The following KCNH5 variants were observed in gnomAD, a reference collection of about 807,000 sequenced individuals.
KCNH5 encodes the protein potassium voltage-gated channel subfamily H member 5, also known as voltage-gated delayed rectifier potassium channel KCNH5.
KCNH5 carries 46 observed loss-of-function variants against 96.1 expected under a neutral mutation model. The ratio of observed to expected loss-of-function variants is 0.48; its 90% CI spans 0.38 to 0.61. The LOEUF (loss-of-function observed/expected upper bound fraction) is 0.61, where lower values mean the gene tolerates loss of function less well. Ranked by LOEUF, KCNH5 falls within the 20% of genes least tolerant of loss-of-function variation. The probability of loss-of-function intolerance (pLI) is 0.00; values close to 1 mark genes in which losing one functional copy is unlikely to be tolerated. For synonymous variants in KCNH5, 439 were observed against 449.8 expected (o/e 0.98, Z 0.30); for missense variants, 907 against 1,225.8 (o/e 0.74, Z 3.88).
intron 7 of KCNH5, among the ~76,000 whole-genome samples, chr14:62,900,308 A>G (rs1161311163): frequency 6.6e-6 from 1 of 152,226 alleles, no homozygotes; most frequent in African/African-American, 2.4e-5. Context: ...GAAATTCAGA[A>G]GAGTTGGAAT....
intron 1 of KCNH5, among the ~76,000 whole-genome samples, chr14:63,033,592 C>G (rs562614484): frequency 6.6e-6 from 1 of 152,148 alleles, no homozygotes; most frequent in Non-Finnish European, 1.5e-5. Flanking sequence ...GCCTGCCTCC[C>G]CTACCAGACT....
At position 62,911,918 on chromosome 14, in the gene KCNH5, A is replaced by G. The variant is rs543786033; in HGVS notation, c.1369+38215T>C. Among the ~76,000 whole-genome samples, 78 of 151,608 alleles carry G rather than the reference A, an allele frequency of 5.1e-4. 2 individuals carry two copies. The highest frequency in any genetic ancestry group is 1.7e-3 in the African/African-American group (72 of 41,338). On this transcript the variant is annotated intron_variant, in intron 7 of 10. Transcript: ENST00000322893. ...CTGGGCGTGGTGGCAGGCACCTGTAATTGCAGCTACTCGAGAGGCTGAGGC... is the reference window on the plus strand; with the variant it reads ...CTGGGCGTGGTGGCAGGCACCTGTAGTTGCAGCTACTCGAGAGGCTGAGGC...
chr14:62,792,589 T>A (rs1886457242), intron 9 of KCNH5, among the ~76,000 whole-genome samples: 1 of 151,692 alleles, frequency 6.6e-6, no homozygotes, highest in African/African-American at 2.4e-5. Context: ...ATCAATTACA[T>A]CTTGAAACTC....
chr14:62,945,647 A>C (rs1279508915), intron 7 of KCNH5, among the ~76,000 whole-genome samples: 1 of 152,124 alleles, frequency 6.6e-6, no homozygotes, highest in Non-Finnish European at 1.5e-5. Flanking sequence ...AAGGTTAAAG[A>C]GTAGAGACTA....
chr14:62,866,068 TA>T (rs1888129103), intron 7 of KCNH5, among the ~76,000 whole-genome samples: 1 of 152,174 alleles, frequency 6.6e-6, no homozygotes, highest in South Asian at 2.1e-4. Context: ...AGAAGCAGAA[TA>T]TATTACTCTA....
At chr14:62,912,480 C>T (rs1210187766) in intron 7 of KCNH5, among the ~76,000 whole-genome samples, 1 of 151,740 alleles carries the variant, frequency 6.6e-6, no homozygotes, top group Non-Finnish European at 1.5e-5. Flanking sequence ...AATCTTGGCT[C>T]ACTGCAGCCT....
In KCNH5 at chr14:62,700,768, C is replaced by T. The variant is rs1566631461; in HGVS notation, c.*6740G>A. The T allele has an allele frequency of 6.6e-6, 1 of 152,164 alleles. No individual in the cohort carries two copies. Among genetic ancestry groups the T allele is most frequent in the Non-Finnish European group, 1.5e-5 (1 of 68,016 alleles). The allele number at this position is 152,164 out of a possible 1,614,324, so 9.4% of individuals were successfully genotyped here. On this transcript the variant is annotated 3_prime_UTR_variant, in exon 11 of 11. Transcript: ENST00000322893. ...TTGCAGTCTTGGCTTCATCAGGAAT[C>T]TTTCCCGCTATAATTTGGTTGAAAA...
chr14:62,818,300 C>T lies in KCNH5; in HGVS notation c.1570-15719G>A, dbSNP rs74720266. The stretch of plus-strand genomic sequence containing the variant: ...TGTTAATTAGCTTGCTTTTGGTAGT[C>T]ATTCACATATATATCAAATTCTCAC... On this transcript the variant is annotated intron_variant, in intron 8 of 10. Coordinates refer to ENST00000322893, the MANE Select transcript of KCNH5 (RefSeq NM_139318.5). Among the ~76,000 whole-genome samples the T allele has an allele frequency of 1.4e-3, 216 of 152,086 alleles. 1 individual carries two copies. The highest frequency in any genetic ancestry group is 2.5e-3 in the Non-Finnish European group (170 of 67,986).
At chr14:62,755,865 T>C (rs1885611616) in intron 10 of KCNH5, among the ~76,000 whole-genome samples, 1 of 152,142 alleles carries the variant, frequency 6.6e-6, no homozygotes, top group African/African-American at 2.4e-5. Flanking sequence ...AATTACATGA[T>C]CATTTCAATT....
chr14:62,810,036 G>A (rs761445391), intron 8 of KCNH5, among the ~76,000 whole-genome samples: 4 of 152,094 alleles, frequency 2.6e-5, no homozygotes, highest in Non-Finnish European at 5.9e-5. Context: ...TTCTAATTTA[G>A]TTTACCTGGA....
At chr14:63,012,265 C>T (rs28591331) in intron 2 of KCNH5, among the ~76,000 whole-genome samples, 33,306 of 151,996 alleles carry the variant, frequency 0.22, 4,455 homozygotes, top group East Asian at 0.51. Context: ...AGTGCAAAGG[C>T]GTGGAAAATG....
intron 6 of KCNH5, 137 bp downstream of exon 6, chr14:62,980,735 T>A (rs895464510): frequency 3.6e-6 from 3 of 828,262 alleles, no homozygotes; most frequent in African/African-American, 1.7e-5. Flanking sequence ...TCAAATATAA[T>A]AACTTTTGGC....
At chr14:62,921,119 C>A (rs560781914) in intron 7 of KCNH5, among the ~76,000 whole-genome samples, 34 of 152,070 alleles carry the variant, frequency 2.2e-4, no homozygotes, top group Admixed American at 1.5e-3. Flanking sequence ...AGCTGCAAAA[C>A]GTGTTTCATC....
chr14:63,045,057 G>T (rs1405697992), intron 1 of KCNH5, 57 bp downstream of exon 1: 1 of 1,331,316 alleles, frequency 7.5e-7, no homozygotes, highest in Non-Finnish European at 1.1e-6. Flanking sequence ...GGGGAGGATG[G>T]GGGGCGCGTG....
intron 8 of KCNH5, among the ~76,000 whole-genome samples, chr14:62,806,582 G>A (rs1886770826): frequency 1.3e-5 from 2 of 152,086 alleles, no homozygotes; most frequent in South Asian, 4.1e-4. Flanking sequence ...AGCACTGACT[G>A]GATAACTTTG....
intron 5 of KCNH5, 55 bp from the exon 6 acceptor site, chr14:62,981,319 G>A: frequency 6.5e-7 from 1 of 1,537,798 alleles, no homozygotes; most frequent in East Asian, 2.3e-5. Flanking sequence ...CACAGTCAGT[G>A]ATGAATTCAA....
intron 6 of KCNH5, among the ~76,000 whole-genome samples, chr14:62,956,515 CA>C (rs1391024683): frequency 7.1e-6 from 1 of 141,742 alleles, no homozygotes; most frequent in Non-Finnish European, 1.5e-5. Flanking sequence ...ATTTAAACAT[CA>C]AAAAAATGTT....
chr14:62,727,736 AC>A, intron 10 of KCNH5, among the ~76,000 whole-genome samples: 1 of 151,144 alleles, frequency 6.6e-6, no homozygotes, highest in Admixed American at 6.6e-5. Flanking sequence ...TGCTGAGAAT[AC>A]CAAGATGAAT....
At chr14:63,045,060 G>T (rs1891897550) in intron 1 of KCNH5, 54 bp downstream of exon 1, 2 of 1,350,816 alleles carry the variant, frequency 1.5e-6, no homozygotes, top group Non-Finnish European at 1.1e-6. Flanking sequence ...GAGGATGGGG[G>T]GCGCGTGTGG....
Sources: gnomAD v4.1 joint callset for allele counts (sites outside exome capture counted in the v4.1 genomes callset) on GRCh38, gnomAD v4.1.1 for gene constraint, MANE v1.5 for transcripts, NCBI Gene and HGNC (gene_info 2026-07-23, HGNC 2026-07-21) for gene names.